The following ARHGAP24 variants were observed in gnomAD, a reference collection of about 807,000 sequenced individuals.
ARHGAP24 encodes the protein Rho GTPase activating protein 24, also known as rho GTPase-activating protein 24.
Under a neutral mutation model 76.4 loss-of-function variants are expected in ARHGAP24, and 50 were observed. The observed-to-expected ratio is 0.65, with a 90% CI of 0.52 to 0.83. ARHGAP24 has a LOEUF of 0.83. ARHGAP24 is among the 40% of genes least tolerant of loss of function. The pLI, the probability that ARHGAP24 is intolerant of heterozygous loss-of-function variation, is 0.00. For missense variants in ARHGAP24, 930 were observed against 914.2 expected (o/e 1.02, Z -0.22); for synonymous variants, 345 against 323.3 (o/e 1.07, Z -0.72).
At chr4:85,624,238 T>TTTGGGA (rs1422179562) in intron 2 of ARHGAP24, among the ~76,000 whole-genome samples, 1 of 152,192 alleles carries the variant, frequency 6.6e-6, no homozygotes, top group Non-Finnish European at 1.5e-5. Flanking sequence ...TAGATAGCTC[T>TTTGGGA]TATTATTTTG....
intron 3 of ARHGAP24, among the ~76,000 whole-genome samples, chr4:85,838,544 A>T (rs1730418489): frequency 6.6e-6 from 1 of 152,198 alleles, no homozygotes; most frequent in African/African-American, 2.4e-5. Flanking sequence ...GCTGGCAGTG[A>T]GCCGAGATCA....
intron 5 of ARHGAP24, among the ~76,000 whole-genome samples, chr4:85,954,797 C>T (rs346485): frequency 0.36 from 54,139 of 152,030 alleles, 9,825 homozygotes; most frequent in East Asian, 0.53. Flanking sequence ...CACCTGAGGT[C>T]GGGAGTTCAA....
At chr4:85,539,292 A>G (rs1425591114) in intron 1 of ARHGAP24, among the ~76,000 whole-genome samples, 1 of 152,196 alleles carries the variant, frequency 6.6e-6, no homozygotes, top group African/African-American at 2.4e-5. Flanking sequence ...CTAGAGAAAT[A>G]AAAGGTAACA....
intron 3 of ARHGAP24, among the ~76,000 whole-genome samples, chr4:85,900,281 T>C (rs10023559): frequency 1.3e-5 from 2 of 151,958 alleles, no homozygotes; most frequent in Non-Finnish European, 2.9e-5. Flanking sequence ...ATTCAGGGAG[T>C]ATCTGACAGT....
rs60635375 is a variant in ARHGAP24, at chr4:85,750,485, C to CTTTTTT, written c.268+28538_268+28543dup. Among the ~76,000 whole-genome samples the CTTTTTT allele has an allele frequency of 1.0e-3, 62 of 61,638 alleles. 7 individuals carry two copies. Among genetic ancestry groups the CTTTTTT allele is most frequent in the African/African-American group, 3.9e-3 (57 of 14,554 alleles). The allele number at this position is 61,638 out of a possible 152,430, so 40.4% of individuals were successfully genotyped here. ...GGGATTAACATGACTCTTTTCATTCCTTTTTTTTTTTTTTTTTTTTTTTTT... is the reference window on the plus strand; with the variant it reads ...GGGATTAACATGACTCTTTTCATTCCTTTTTTTTTTTTTTTTTTTTTTTTTTTTTTT... On this transcript the variant is annotated intron_variant, in intron 3 of 9. Coordinates refer to ENST00000395184, the MANE Select transcript of ARHGAP24 (RefSeq NM_001025616.3).
At chr4:85,973,010 G>T (rs539388476) in intron 6 of ARHGAP24, among the ~76,000 whole-genome samples, 1 of 152,096 alleles carries the variant, frequency 6.6e-6, no homozygotes, top group African/African-American at 2.4e-5. Flanking sequence ...TATAAATAAT[G>T]CTGTTGTGAA....
chr4:85,629,533 G>A (rs1383544491), intron 2 of ARHGAP24, among the ~76,000 whole-genome samples: 2 of 152,028 alleles, frequency 1.3e-5, no homozygotes, highest in Non-Finnish European at 2.9e-5. Flanking sequence ...TGTGAGACTG[G>A]TCTAGTAAAA....
intron 3 of ARHGAP24, among the ~76,000 whole-genome samples, chr4:85,821,703 G>T (rs1182033046): frequency 1.3e-5 from 2 of 151,974 alleles, no homozygotes; most frequent in South Asian, 2.1e-4. Flanking sequence ...TTATATGAAG[G>T]CATAAATTAT....
chr4:85,779,371 T>C (rs1417528148), intron 3 of ARHGAP24, among the ~76,000 whole-genome samples: 18 of 152,290 alleles, frequency 1.2e-4, no homozygotes, highest in Non-Finnish European at 1.5e-4. Context: ...ACTTGAAATA[T>C]AGAACTAATA....
At chr4:85,687,375 G>T (rs1316918146) in intron 2 of ARHGAP24, among the ~76,000 whole-genome samples, 3 of 152,080 alleles carry the variant, frequency 2.0e-5, no homozygotes, top group African/African-American at 7.2e-5. Flanking sequence ...CTATCACCCA[G>T]GTAATAAGCA....
chr4:85,986,661 G>A (rs564675269), intron 8 of ARHGAP24, among the ~76,000 whole-genome samples: 58 of 152,234 alleles, frequency 3.8e-4, no homozygotes, highest in African/African-American at 8.7e-4. Context: ...GACATAGAGC[G>A]TCCAGAAATC....
rs1001394172 is a variant in ARHGAP24 at position 85,804,254 on chromosome 4, G to C, written c.268+82282G>C. On this transcript the variant is annotated intron_variant, in intron 3 of 9. Coordinates refer to ENST00000395184, the MANE Select transcript of ARHGAP24 (RefSeq NM_001025616.3). ...GTGATAAAAAAGCTTGGACCAACTA[G>C]AGGTCTAATTGTCCTTTGACCCAAT... Among the ~76,000 whole-genome samples, 4 of 152,240 alleles carry C rather than the reference G, an allele frequency of 2.6e-5. No homozygotes were observed. The East Asian group carries it at 7.7e-4, about 29-fold the overall frequency.
intron 1 of ARHGAP24, among the ~76,000 whole-genome samples, chr4:85,494,227 C>T (rs376496737): frequency 3.9e-5 from 6 of 152,044 alleles, no homozygotes; most frequent in African/African-American, 1.4e-4. Flanking sequence ...TATACATGTG[C>T]CATGGTGATT....
intron 1 of ARHGAP24, among the ~76,000 whole-genome samples, chr4:85,505,735 C>T (rs924824294): frequency 1.2e-4 from 18 of 152,106 alleles, no homozygotes; most frequent in Non-Finnish European, 2.1e-4. Context: ...ATCAACTCGT[C>T]AAAGTCATTC....
chr4:85,530,457 T>C (rs1324062903), intron 1 of ARHGAP24, among the ~76,000 whole-genome samples: 1 of 152,044 alleles, frequency 6.6e-6, no homozygotes, highest in Non-Finnish European at 1.5e-5. Flanking sequence ...TTGGAGGTCT[T>C]CTAGAACACC....
At chr4:85,533,989 A>T (rs1381937727) in intron 1 of ARHGAP24, among the ~76,000 whole-genome samples, 1 of 152,202 alleles carries the variant, frequency 6.6e-6, no homozygotes, top group Non-Finnish European at 1.5e-5. Flanking sequence ...CTGAATCTGC[A>T]CATGAAAAGC....
intron 2 of ARHGAP24, among the ~76,000 whole-genome samples, chr4:85,651,511 T>C (rs1223464390): frequency 6.7e-6 from 1 of 149,028 alleles, no homozygotes; most frequent in Non-Finnish European, 1.5e-5. Flanking sequence ...AGTGGAAAAT[T>C]CATTCCATTT....
intron 2 of ARHGAP24, among the ~76,000 whole-genome samples, chr4:85,660,794 CAAAAA>C (rs34228407): frequency 0.023 from 1,348 of 59,444 alleles, 36 homozygotes; most frequent in African/African-American, 0.075. Flanking sequence ...GACTCCGTCT[CAAAAA>C]AAAAAAAAAA....
intron 9 of ARHGAP24, among the ~76,000 whole-genome samples, chr4:85,997,402 AGATAGATAGAT>A (rs1740742783): frequency 8.7e-6 from 1 of 115,036 alleles, no homozygotes; most frequent in Non-Finnish European, 2.0e-5. Flanking sequence ...ATAGATAGAT[AGATAGATAGAT>A]AATATTTTAC....
Sources: allele counts gnomAD v4.1 joint callset (sites outside exome capture counted in the v4.1 genomes callset), GRCh38; gene constraint gnomAD v4.1.1; transcripts MANE v1.5; gene names NCBI Gene and HGNC (gene_info 2026-07-23, HGNC 2026-07-21).